The following VAV2 variants were observed in gnomAD, a reference collection of about 807,000 sequenced individuals.
The protein encoded by VAV2 is guanine nucleotide exchange factor VAV2.
Under a neutral mutation model 132.5 loss-of-function variants are expected in VAV2, and 67 were observed. The ratio of observed to expected loss-of-function variants is 0.51; its 90% CI spans 0.42 to 0.62. The LOEUF (loss-of-function observed/expected upper bound fraction) is 0.62, where lower values mean the gene tolerates loss of function less well. Ranked by LOEUF, VAV2 falls within the 20% of genes least tolerant of loss-of-function variation. The pLI, the probability that VAV2 is intolerant of heterozygous loss-of-function variation, is 0.00. For missense variants in VAV2, 938 were observed against 1,153.6 expected (o/e 0.81, Z 2.71); for synonymous variants, 492 against 443.5 (o/e 1.11, Z -1.37).
chr9:133,868,484 G>C (rs1369716158), intron 2 of VAV2, among the ~76,000 whole-genome samples: 1 of 152,218 alleles, frequency 6.6e-6, no homozygotes, highest in African/African-American at 2.4e-5. Flanking sequence ...TGTGGCTGTA[G>C]GTGAATGAGA....
chr9:133,779,035 TCC>T, intron 21 of VAV2, 146 bp from the exon 22 acceptor site: 1 of 1,023,272 alleles, frequency 9.8e-7, no homozygotes, highest in Non-Finnish European at 1.4e-6. Context: ...CCTAAATCCT[TCC>T]CATAAGCCTC....
At position 133,918,769 on chromosome 9, in the gene VAV2, GTT is replaced by G. The variant is rs1840193795; in HGVS notation, c.321+20332_321+20333del. On this transcript the variant is annotated intron_variant, in intron 2 of 29. Transcript: ENST00000371850. This position sits in a 1 kb window ranked among gnomAD's most constrained non-coding sequence, Gnocchi z 4.7. ...AAGCAGCCGCCATGTGTGTGTGTGT[GTT>G]TGTTTGTTTGTTTGTTTGTTTTGAG... Among the ~76,000 whole-genome samples, 5 of 145,082 alleles carry G rather than the reference GTT, an allele frequency of 3.4e-5. No individual in the cohort carries two copies. Among genetic ancestry groups the G allele is most frequent in the African/African-American group, 1.4e-4 (5 of 35,488 alleles).
chr9:133,769,278 C>T lies in VAV2; in HGVS notation c.2434+139G>A. 1 of 935,880 alleles carries T rather than the reference C, an allele frequency of 1.1e-6. No individual in the cohort carries two copies. The highest frequency in any genetic ancestry group is 2.7e-5 in the East Asian group (1 of 36,884). 58.0% of individuals were successfully genotyped at this position (935,880 alleles called of 1,614,324 possible). Reference sequence around the variant, plus strand: ...TGCCCGGCCTCCCCAGCCCCTTTCTCCCCTCCACCCAGTGCCAGACTGCGG... The same window carrying T: ...TGCCCGGCCTCCCCAGCCCCTTTCTTCCCTCCACCCAGTGCCAGACTGCGG... On this transcript the variant is annotated intron_variant, in intron 28 of 29. Transcript: ENST00000371850. This position sits in a 1 kb window ranked among gnomAD's most constrained non-coding sequence, Gnocchi z 8.1.
chr9:133,979,299 C>T (rs866925016), intron 1 of VAV2, among the ~76,000 whole-genome samples: 5 of 152,138 alleles, frequency 3.3e-5, no homozygotes, highest in Admixed American at 6.5e-5. Flanking sequence ...TCCAGAGAGG[C>T]GCCACGGGTC....
intron 2 of VAV2, among the ~76,000 whole-genome samples, chr9:133,921,848 G>A (rs970728074): frequency 1.3e-5 from 2 of 152,234 alleles, no homozygotes; most frequent in African/African-American, 2.4e-5. Context: ...TCATGGAAAC[G>A]AACCGTCACA....
At chr9:133,854,935 C>T (rs1364747258) in intron 3 of VAV2, among the ~76,000 whole-genome samples, 3 of 152,152 alleles carry the variant, frequency 2.0e-5, no homozygotes, top group Non-Finnish European at 1.5e-5. Context: ...ATCTTGCTGG[C>T]GGGATGAGCT....
rs947835371 is a variant in VAV2, at chr9:133,918,542, G to A, written c.321+20561C>T. Reference sequence around the variant, plus strand: ...GCCAGGACAGTGCCAAGTCCTTCACGGCAGCTCATTCGTTCCTGCCTCACA... The same window carrying A: ...GCCAGGACAGTGCCAAGTCCTTCACAGCAGCTCATTCGTTCCTGCCTCACA... On this transcript the variant is annotated intron_variant, in intron 2 of 29. Coordinates refer to ENST00000371850, the MANE Select transcript of VAV2 (RefSeq NM_001134398.2). This position sits in a 1 kb window ranked among gnomAD's most constrained non-coding sequence, Gnocchi z 4.7. Among the ~76,000 whole-genome samples, 4 of 148,844 alleles carry A rather than the reference G, an allele frequency of 2.7e-5. No homozygotes were observed. The highest frequency in any genetic ancestry group is 7.7e-5 in the African/African-American group (3 of 39,020).
chr9:133,854,648 G>C (rs1180119364), intron 3 of VAV2, among the ~76,000 whole-genome samples: 2 of 150,442 alleles, frequency 1.3e-5, no homozygotes, highest in African/African-American at 5.0e-5. Context: ...AGGCTGGAGG[G>C]GGCCAGACCC....
At chr9:133,990,173 A>G (rs370694280) in intron 1 of VAV2, among the ~76,000 whole-genome samples, 49 of 151,810 alleles carry the variant, frequency 3.2e-4, no homozygotes, top group African/African-American at 1.0e-3. Context: ...ACACACACCC[A>G]TCTGGTCCTC....
At chr9:133,808,024 T>C (rs1835218022) in intron 7 of VAV2, among the ~76,000 whole-genome samples, 1 of 152,182 alleles carries the variant, frequency 6.6e-6, no homozygotes, top group African/African-American at 2.4e-5. Flanking sequence ...ACAGAGAGCA[T>C]CGCCCAAGCA....
At chr9:133,807,427 A>G in intron 7 of VAV2, 101 bp from the exon 8 acceptor site, 1 of 1,226,606 alleles carries the variant, frequency 8.2e-7, no homozygotes, top group Non-Finnish European at 1.1e-6. Context: ...CGAGGCAGGC[A>G]CTGGGGTGCT....
At position 133,769,427 on chromosome 9, in the gene VAV2, G is replaced by C; in HGVS notation, c.2424C>G (p.Pro808=). The C allele has an allele frequency of 6.2e-7, 1 of 1,612,374 alleles. No individual in the cohort carries two copies. The highest frequency in any genetic ancestry group is 8.5e-7 in the Non-Finnish European group (1 of 1,179,310). ...GGGGAGCAGCGGTACCTGACCAGAAGGGAGCGGAGGGGCCCTGAGAAGCAA... is the reference window on the plus strand; with the variant it reads ...GGGGAGCAGCGGTACCTGACCAGAACGGAGCGGAGGGGCCCTGAGAAGCAA... ...LSFASQGPSA[P]FWSVFTPRVI... Residue 808 remains proline, a synonymous_variant, in exon 28 of 30, where the codon CCC becomes CCG. Transcript: ENST00000371850. This position sits in a 1 kb window ranked among gnomAD's most constrained non-coding sequence, Gnocchi z 8.1.
chr9:133,982,963 G>C (rs1479886588), intron 1 of VAV2, among the ~76,000 whole-genome samples: 2 of 152,198 alleles, frequency 1.3e-5, no homozygotes, highest in African/African-American at 4.8e-5. Flanking sequence ...TCTGGCTCAA[G>C]AAACCTAAAA....
chr9:133,971,467 G>A (rs1842332353), intron 1 of VAV2, among the ~76,000 whole-genome samples: 2 of 152,082 alleles, frequency 1.3e-5, no homozygotes, highest in African/African-American at 4.8e-5. Context: ...ACACACAGAG[G>A]GGCAGCCCAG....
At chr9:133,927,433 C>T (rs1840519336) in intron 2 of VAV2, among the ~76,000 whole-genome samples, 1 of 152,224 alleles carries the variant, frequency 6.6e-6, no homozygotes, top group Admixed American at 6.5e-5. Flanking sequence ...ACAGCAGAGG[C>T]TCAGCCCAGA....
chr9:133,898,801 G>A (rs1839320298), intron 2 of VAV2, among the ~76,000 whole-genome samples: 1 of 141,640 alleles, frequency 7.1e-6, no homozygotes. Flanking sequence ...GATCCAGGGA[G>A]GATGCAGACC....
At chr9:133,850,801 C>G (rs1327032575) in intron 3 of VAV2, among the ~76,000 whole-genome samples, 1 of 152,240 alleles carries the variant, frequency 6.6e-6, no homozygotes, top group Non-Finnish European at 1.5e-5. Context: ...AGGAAGCTCA[C>G]ACCCTCAGGC....
At chr9:133,846,073 C>T (rs529906518) in intron 3 of VAV2, among the ~76,000 whole-genome samples, 58 of 152,324 alleles carry the variant, frequency 3.8e-4, no homozygotes, top group South Asian at 6.2e-4. Flanking sequence ...CCTCACAGGA[C>T]GGAAGCTGTG....
chr9:133,788,580 C>G lies in VAV2; in HGVS notation c.1275-94G>C. ...GAGCTGAGCCTGAGGCTCTGGCACG[C>G]GGCTCCCTCTCCGGGCGAGCCCTGC... is the stretch of plus-strand genomic sequence containing the variant. On this transcript the variant is annotated intron_variant, in intron 14 of 29. Coordinates refer to ENST00000371850, the MANE Select transcript of VAV2 (RefSeq NM_001134398.2). The surrounding 1 kb of genome is among the most constrained non-coding windows in gnomAD (Gnocchi z 5.3). The G allele has an allele frequency of 3.3e-6, 5 of 1,524,888 alleles. No homozygotes were observed. Among genetic ancestry groups the G allele is most frequent in the Non-Finnish European group, 4.4e-6 (5 of 1,125,336 alleles). 94.5% of individuals were successfully genotyped at this position (1,524,888 alleles called of 1,614,324 possible). A position where few individuals can be genotyped will look rare whatever the true frequency, so the allele number is the denominator to read the frequency against.
Sources: allele counts gnomAD v4.1 joint callset (sites outside exome capture counted in the v4.1 genomes callset), GRCh38; gene constraint gnomAD v4.1.1; non-coding constraint Gnocchi (gnomAD v3.1); transcripts MANE v1.5; gene names NCBI Gene and HGNC (gene_info 2026-07-23, HGNC 2026-07-21).